Variants in C9 observed in about 807,000 individuals in gnomAD.
C9 encodes the protein complement C9.
In C9, 63 loss-of-function variants were observed where a neutral mutation model predicts 65.4. The ratio of observed to expected loss-of-function variants is 0.96; its 90% CI spans 0.79 to 1.19. C9 has a LOEUF of 1.19. Among genes scored for constraint, C9 ranks in the 50% most tolerant of loss-of-function variants. C9 has a pLI of 0.00. For synonymous variants in C9, 229 were observed against 227.9 expected (o/e 1.00, Z -0.04); for missense variants, 744 against 670.1 (o/e 1.11, Z -1.22).
intron 8 of C9, among the ~76,000 whole-genome samples, chr5:39,307,322 C>T (rs1753399745): frequency 6.6e-6 from 1 of 152,102 alleles, no homozygotes; most frequent in Non-Finnish European, 1.5e-5. Context: ...TCTTTTACAG[C>T]TGTGAATTTT....
chr5:39,336,159 A>AT (rs1451737824), intron 4 of C9, among the ~76,000 whole-genome samples: 1 of 152,010 alleles, frequency 6.6e-6, no homozygotes, highest in South Asian at 2.1e-4. Context: ...CAGCATTGAT[A>AT]TTTTTCTAAC....
rs893436795 is a variant in C9, at chr5:39,285,107, T to C, written c.*92A>G. On this transcript the variant is annotated 3_prime_UTR_variant, in exon 11 of 11. Coordinates refer to ENST00000263408, the MANE Select transcript of C9 (RefSeq NM_001737.5). ...GTAGGATTTTCATGAAGCATGTTGC[T>C]ATTTACTTGGCAGCTAAGATTATCT... 1.0e-6 allele frequency: 1 copy of C among 997,044 alleles called. No homozygotes were observed. The highest frequency in any genetic ancestry group is 1.6e-5 in the African/African-American group (1 of 62,924). The allele number at this position is 997,044 out of a possible 1,614,324, so 61.8% of individuals were successfully genotyped here.
At chr5:39,347,629 C>T (rs2111967606) in intron 1 of C9, among the ~76,000 whole-genome samples, 1 of 152,276 alleles carries the variant, frequency 6.6e-6, no homozygotes, top group Non-Finnish European at 1.5e-5. Flanking sequence ...CCATCCCTAT[C>T]AAGCTACCAA....
intron 9 of C9, among the ~76,000 whole-genome samples, chr5:39,303,453 A>G (rs1753318300): frequency 6.6e-6 from 1 of 151,850 alleles, no homozygotes; most frequent in African/African-American, 2.4e-5. Flanking sequence ...GAGCATGGCT[A>G]TAGTTACTTT....
rs769284808 is a variant in C9, at chr5:39,341,163, T to C, written c.459A>G (p.Ala153=). The C allele has an allele frequency of 1.2e-6, 2 of 1,614,218 alleles. No individual in the cohort carries two copies. The highest frequency in any genetic ancestry group is 1.1e-5 in the South Asian group (1 of 91,074). The change falls in exon 4 of 11, where the codon GCA becomes GCG. Residue 153 remains alanine (A), a synonymous_variant. Transcript: ENST00000263408. ...RDRVVEESEL[A]RTAGYGINIL... ...ATACACACCCATAGCCTGCTGTTCG[T>C]GCCAGCTCAGACTCTTCTACCACTC...
chr5:39,293,820 T>G (rs1403617097), intron 9 of C9, among the ~76,000 whole-genome samples: 2 of 151,684 alleles, frequency 1.3e-5, no homozygotes, highest in Non-Finnish European at 2.9e-5. Context: ...ATAACAAGTC[T>G]CGAAAAAATT....
chr5:39,323,545 T>G (rs1344570710), intron 5 of C9, among the ~76,000 whole-genome samples: 1 of 150,448 alleles, frequency 6.6e-6, no homozygotes, highest in Non-Finnish European at 1.5e-5. Flanking sequence ...ATACACCACA[T>G]TAATGGAATG....
chr5:39,333,070 T>C (rs1320577186), intron 4 of C9, among the ~76,000 whole-genome samples: 3 of 152,352 alleles, frequency 2.0e-5, no homozygotes, highest in African/African-American at 4.8e-5. Context: ...AAAAATGCTA[T>C]GGCCTTAAAG....
intron 1 of C9, among the ~76,000 whole-genome samples, chr5:39,354,227 A>G (rs1408172310): frequency 1.3e-5 from 2 of 152,250 alleles, no homozygotes; most frequent in East Asian, 1.9e-4. Flanking sequence ...ATGTTTCCAT[A>G]AAACTACAGC....
At chr5:39,330,279 T>C (rs533237886) in intron 5 of C9, among the ~76,000 whole-genome samples, 1 of 152,308 alleles carries the variant, frequency 6.6e-6, no homozygotes, top group East Asian at 1.9e-4. Context: ...ACATCACCTT[T>C]CTAAAATACC....
chr5:39,357,692 A>C (rs1443202241), intron 1 of C9, among the ~76,000 whole-genome samples: 2 of 152,188 alleles, frequency 1.3e-5, no homozygotes, highest in African/African-American at 2.4e-5. Flanking sequence ...AGGGCAGTGA[A>C]AGAATCCTCT....
Position 39,284,409 on chromosome 5 carries a change from A to G in C9, c.*790T>C, listed in dbSNP as rs1287509695. ...GGTAACCTTACCTTATACAACTCAT[A>G]AGGCTAGGTATTAAGTTGGACTATA... On this transcript the variant is annotated 3_prime_UTR_variant, in exon 11 of 11. Transcript: ENST00000263408. 6.6e-6 allele frequency: 1 copy of G among 152,178 alleles called. No individual in the cohort carries two copies. The highest frequency in any genetic ancestry group is 1.9e-4 in the East Asian group (1 of 5,198). 9.4% of individuals were successfully genotyped at this position (152,178 alleles called of 1,614,324 possible).
intron 4 of C9, 45 bp downstream of exon 4, chr5:39,341,101 A>T: frequency 3.7e-6 from 6 of 1,602,154 alleles, no homozygotes; most frequent in Non-Finnish European, 5.1e-6. Flanking sequence ...GATGGAGATC[A>T]TTTTCACTCA....
intron 5 of C9, among the ~76,000 whole-genome samples, chr5:39,327,887 G>A: frequency 6.6e-6 from 1 of 152,216 alleles, no homozygotes; most frequent in Non-Finnish European, 1.5e-5. Flanking sequence ...TAGACTTGAA[G>A]AGGGTTGAAA....
Position 39,308,284 on chromosome 5 carries a change from C to T in C9, c.1186G>A (p.Val396Ile), listed in dbSNP as rs556349686. The change falls in exon 8 of 11, where the codon GTT becomes ATT. Residue 396 changes from valine (V) to isoleucine (I), a missense_variant. Coordinates refer to ENST00000263408, the MANE Select transcript of C9 (RefSeq NM_001737.5). Reference protein sequence around the residue: ...DVSLAFSEISVGAEFNKDDCV... With the variant: ...DVSLAFSEISIGAEFNKDDCV... Reference sequence around the variant, plus strand: ...TCATCTTTATTAAATTCAGCTCCAACAGAGATTTCAGAGAAAGCCAGAGAT... The same window carrying T: ...TCATCTTTATTAAATTCAGCTCCAATAGAGATTTCAGAGAAAGCCAGAGAT... 3.7e-6 allele frequency: 6 copies of T among 1,611,024 alleles called. 1 individual carries two copies. The highest frequency in any genetic ancestry group is 2.2e-5 in the South Asian group (2 of 91,030).
intron 4 of C9, among the ~76,000 whole-genome samples, chr5:39,334,933 A>G (rs1753934299): frequency 6.6e-6 from 1 of 152,086 alleles, no homozygotes. Context: ...CTGTGTAGAA[A>G]GAAGTAGACA....
At chr5:39,344,867 C>A (rs1287500125) in intron 1 of C9, among the ~76,000 whole-genome samples, 1 of 152,146 alleles carries the variant, frequency 6.6e-6, no homozygotes, top group East Asian at 1.9e-4. Flanking sequence ...GGGCAATATT[C>A]AACATTCTTA....
intron 4 of C9, among the ~76,000 whole-genome samples, chr5:39,332,082 A>G (rs1187850391): frequency 6.6e-6 from 1 of 152,240 alleles, no homozygotes; most frequent in East Asian, 1.9e-4. Flanking sequence ...AGTAAGGCAC[A>G]TGGGACCATC....
At chr5:39,325,391 T>A (rs1753730520) in intron 5 of C9, among the ~76,000 whole-genome samples, 1 of 152,200 alleles carries the variant, frequency 6.6e-6, no homozygotes, top group Admixed American at 6.5e-5. Flanking sequence ...TGCCTAAATC[T>A]TAAACGTTTG....
Sources: gnomAD v4.1 joint callset for allele counts (sites outside exome capture counted in the v4.1 genomes callset) on GRCh38, gnomAD v4.1.1 for gene constraint, MANE v1.5 for transcripts, NCBI Gene and HGNC (gene_info 2026-07-23, HGNC 2026-07-21) for gene names.